Variants in FAP observed in about 807,000 individuals in gnomAD.
FAP encodes the protein fibroblast activation protein alpha.
Under a neutral mutation model 126.5 loss-of-function variants are expected in FAP, and 110 were observed. The ratio of observed to expected loss-of-function variants is 0.87; its 90% confidence interval spans 0.74 to 1.02. The LOEUF (loss-of-function observed/expected upper bound fraction) is 1.02, where lower values mean the gene tolerates loss of function less well. Ranked by LOEUF, FAP falls within the 50% of genes least tolerant of loss-of-function variation. The pLI is 0.00. For missense variants in FAP, 919 were observed against 909.2 expected (o/e 1.01, Z -0.14); for synonymous variants, 334 against 297.3 (o/e 1.12, Z -1.27).
chr2:162,206,653 A>G (rs1688707951), intron 12 of FAP, among the ~76,000 whole-genome samples: 1 of 152,228 alleles, frequency 6.6e-6, no homozygotes, highest in Non-Finnish European at 1.5e-5. Context: ...TCCAAATTTA[A>G]GGAATGAAGC....
At chr2:162,209,868 T>C in intron 12 of FAP, 84 bp downstream of exon 12, 1 of 1,191,742 alleles carries the variant, frequency 8.4e-7, no homozygotes, top group Non-Finnish European at 1.2e-6. Flanking sequence ...TAGTGCCAGT[T>C]TGGGTACATT....
intron 25 of FAP, chr2:162,171,657 G>T (rs1185537194): frequency 6.6e-6 from 1 of 152,114 alleles, no homozygotes; most frequent in Non-Finnish European, 1.5e-5. Flanking sequence ...TAAGATTATT[G>T]CTTTCACTGA....
chr2:162,213,587 GT>G (rs1689048305), intron 11 of FAP, among the ~76,000 whole-genome samples: 1 of 151,326 alleles, frequency 6.6e-6, no homozygotes, highest in African/African-American at 2.4e-5. Context: ...CCATGTTTCG[GT>G]TTCATCTGCA....
chr2:162,216,066 C>A (rs1576178542), intron 9 of FAP, 65 bp from the exon 10 acceptor site: 1 of 1,187,368 alleles, frequency 8.4e-7, no homozygotes, highest in East Asian at 2.4e-5. Context: ...TTTAAAGAAA[C>A]TTTAGGAATT....
At position 162,226,637 on chromosome 2, in the gene FAP, A is replaced by G. The variant is rs767668237; in HGVS notation, c.92-16T>C. 2.3e-6 allele frequency: 3 copies of G among 1,314,824 alleles called. No homozygotes were observed. In the Admixed American group the frequency reaches 5.6e-5, roughly 24 times the overall value. 81.4% of individuals were successfully genotyped at this position (1,314,824 alleles called of 1,614,324 possible). The stretch of plus-strand genomic sequence containing the variant: ...GAGTTATGAACTTTGGGGGAAGAGC[A>G]AATACATCCTTATTAAAAAGAAGGT... On this transcript the variant is annotated splice_polypyrimidine_tract_variant and intron_variant, in intron 2 of 25. Coordinates refer to ENST00000188790, the MANE Select transcript of FAP (RefSeq NM_004460.5).
chr2:162,189,803 A>T, intron 17 of FAP, 49 bp from the exon 18 acceptor site: 1 of 1,124,930 alleles, frequency 8.9e-7, no homozygotes, highest in South Asian at 1.4e-5. Flanking sequence ...TTCCATAAAC[A>T]ATTTTTTTCC....
At chr2:162,236,237 C>T (rs1459558644) in intron 2 of FAP, among the ~76,000 whole-genome samples, 1 of 152,062 alleles carries the variant, frequency 6.6e-6, no homozygotes, top group Non-Finnish European at 1.5e-5. Flanking sequence ...CATCCATATT[C>T]ATAAGAGATA....
intron 20 of FAP, among the ~76,000 whole-genome samples, chr2:162,185,898 A>G (rs1687853782): frequency 6.6e-6 from 1 of 152,102 alleles, no homozygotes; most frequent in Admixed American, 6.6e-5. Context: ...AGTCTATCCT[A>G]TTTAGCTTTT....
intron 10 of FAP, among the ~76,000 whole-genome samples, chr2:162,215,411 A>T (rs1689123985): frequency 6.6e-6 from 1 of 152,342 alleles, no homozygotes; most frequent in African/African-American, 2.4e-5. Flanking sequence ...GGAAGTGAGA[A>T]TCCTTCACGT....
intron 16 of FAP, 82 bp from the exon 17 acceptor site, chr2:162,194,830 T>A: frequency 8.1e-7 from 1 of 1,235,414 alleles, no homozygotes; most frequent in Non-Finnish European, 1.2e-6. Context: ...GTAGTATTTG[T>A]GATTAGTGTC....
chr2:162,215,467 A>C (rs1023457951), intron 10 of FAP, among the ~76,000 whole-genome samples: 1 of 152,224 alleles, frequency 6.6e-6, no homozygotes, highest in Non-Finnish European at 1.5e-5. Flanking sequence ...AAAACCAGAT[A>C]AATGAGAATA....
intron 9 of FAP, among the ~76,000 whole-genome samples, chr2:162,216,249 A>G (rs927805522): frequency 2.0e-5 from 3 of 152,192 alleles, no homozygotes; most frequent in Admixed American, 1.3e-4. Flanking sequence ...TTTAAAATTT[A>G]TAGGGAAAAT....
intron 11 of FAP, among the ~76,000 whole-genome samples, chr2:162,212,845 T>A (rs1248499925): frequency 6.6e-6 from 1 of 152,210 alleles, no homozygotes; most frequent in African/African-American, 2.4e-5. Flanking sequence ...AGAACAGGCT[T>A]ATTTTAAAGC....
rs374185566 is a variant in FAP, at chr2:162,214,906, A to G, written c.867-833T>C. The stretch of plus-strand genomic sequence containing the variant: ...ACCGCTTAAGAACTATGTCTGCTAC[A>G]TGATGAGTGTTCAGAATACGTTTGC... On this transcript the variant is annotated intron_variant, in intron 10 of 25. Coordinates refer to ENST00000188790, the MANE Select transcript of FAP (RefSeq NM_004460.5). Among the ~76,000 whole-genome samples, 6 of 152,296 alleles carry G rather than the reference A, an allele frequency of 3.9e-5. No homozygotes were observed. The East Asian group carries it at 1.2e-3, about 29-fold the overall frequency.
chr2:162,241,474 G>C (rs777476583), intron 2 of FAP, among the ~76,000 whole-genome samples: 1 of 152,106 alleles, frequency 6.6e-6, no homozygotes, highest in African/African-American at 2.4e-5. Context: ...GAATTCCATA[G>C]TGAAATTCAT....
At chr2:162,201,761 G>A (rs913652502) in intron 14 of FAP, among the ~76,000 whole-genome samples, 4 of 152,126 alleles carry the variant, frequency 2.6e-5, no homozygotes, top group Non-Finnish European at 4.4e-5. Flanking sequence ...AAGTGCTAAG[G>A]ACGCAAACAA....
intron 14 of FAP, among the ~76,000 whole-genome samples, chr2:162,200,956 C>G (rs190184462): frequency 5.9e-5 from 9 of 152,058 alleles, no homozygotes; most frequent in African/African-American, 1.9e-4. Context: ...CTCTGTACTA[C>G]GTTATTTAAT....
rs1185404762 is a variant in FAP, at chr2:162,188,377, A to G, written c.1620-14T>C. 17 of 1,596,720 alleles carry G rather than the reference A, an allele frequency of 1.1e-5. No homozygotes were observed. Among genetic ancestry groups the G allele is most frequent in the Non-Finnish European group, 1.5e-5 (17 of 1,169,680 alleles). The stretch of plus-strand genomic sequence containing the variant: ...GGACCACCATACCTAAAGGAAAAAC[A>G]AAAAAAACAAGAATCTTTGATTGCT... On this transcript the variant is annotated splice_polypyrimidine_tract_variant and intron_variant, in intron 19 of 25. Transcript: ENST00000188790.
intron 9 of FAP, 45 bp from the exon 10 acceptor site, chr2:162,216,046 T>C (rs1467941314): frequency 1.5e-6 from 2 of 1,374,418 alleles, no homozygotes; most frequent in African/African-American, 1.4e-5. Flanking sequence ...ATTCCAATTA[T>C]CACCAACATT....
Sources: gnomAD v4.1 joint callset for allele counts (sites outside exome capture counted in the v4.1 genomes callset) on GRCh38, gnomAD v4.1.1 for gene constraint, MANE v1.5 for transcripts, NCBI Gene and HGNC (gene_info 2026-07-23, HGNC 2026-07-21) for gene names.